The following LOC400499 variants were observed in gnomAD, a reference collection of about 807,000 sequenced individuals.
the LOC400499 span, among the ~76,000 whole-genome samples, chr16:11,470,364 G>C: frequency 1.7e-4 from 26 of 152,332 alleles, 1 homozygote; most frequent in Admixed American, 1.7e-3. Context: ...CACTCTGCGA[G>C]TACCTCGTGC....
At chr16:11,484,046 C>T in the LOC400499 span, among the ~76,000 whole-genome samples, 4 of 130,410 alleles carry the variant, frequency 3.1e-5, no homozygotes, top group African/African-American at 5.6e-5. Flanking sequence ...CTCGCTCTGT[C>T]GCCCAGGCTG....
chr16:11,500,224 A>G, the LOC400499 span, among the ~76,000 whole-genome samples: 9 of 152,084 alleles, frequency 5.9e-5, no homozygotes, highest in Non-Finnish European at 8.8e-5. Flanking sequence ...AGACCAGAAA[A>G]CAGTCGGGCG....
At chr16:11,461,160 C>G in the LOC400499 span, 1,133,275 of 1,501,682 alleles carry the variant, frequency 0.75, 433,998 homozygotes, top group Admixed American at 0.82. Context: ...GGTCAGCCCC[C>G]AGGGACCAGC....
the LOC400499 span, among the ~76,000 whole-genome samples, chr16:11,425,875 A>T: frequency 6.6e-6 from 1 of 152,116 alleles, no homozygotes; most frequent in Non-Finnish European, 1.5e-5. Flanking sequence ...CTCATACCAA[A>T]CCTGACGAAA....
At chr16:11,492,617 T>G in the LOC400499 span, among the ~76,000 whole-genome samples, 5 of 151,878 alleles carry the variant, frequency 3.3e-5, no homozygotes, top group African/African-American at 9.7e-5. Flanking sequence ...ACCCCATCTC[T>G]ACTAAAATTA....
At chr16:11,415,448 G>T in the LOC400499 span, among the ~76,000 whole-genome samples, 1 of 152,176 alleles carries the variant, frequency 6.6e-6, no homozygotes, top group African/African-American at 2.4e-5. Flanking sequence ...TCTATGAGGT[G>T]GGCACAGCCC....
chr16:11,395,961 T>C, the LOC400499 span, among the ~76,000 whole-genome samples: 1 of 151,822 alleles, frequency 6.6e-6, no homozygotes, highest in Non-Finnish European at 1.5e-5. Context: ...CAGGGCAGAG[T>C]AGGTATTGGA....
chr16:11,447,938 G>A, the LOC400499 span: 128 of 1,535,362 alleles, frequency 8.3e-5, 2 homozygotes, highest in South Asian at 1.5e-3. Context: ...ACATACCTAA[G>A]GAGCAAGGCC....
the LOC400499 span, among the ~76,000 whole-genome samples, chr16:11,467,560 C>T: frequency 6.6e-6 from 1 of 151,988 alleles, no homozygotes; most frequent in Admixed American, 6.6e-5. Context: ...TGCAGTGAGC[C>T]ATGTTTGCAC....
At chr16:11,491,002 T>C in the LOC400499 span, among the ~76,000 whole-genome samples, 1 of 152,226 alleles carries the variant, frequency 6.6e-6, no homozygotes, top group Non-Finnish European at 1.5e-5. Context: ...CAGTCACACA[T>C]ATGGCACTTA....
the LOC400499 span, among the ~76,000 whole-genome samples, chr16:11,387,487 G>C: frequency 6.6e-6 from 1 of 152,156 alleles, no homozygotes; most frequent in South Asian, 2.1e-4. Flanking sequence ...GCATGACAAC[G>C]GAGGTGGTAG....
the LOC400499 span, chr16:11,456,981 C>T: frequency 6.5e-7 from 1 of 1,536,104 alleles, no homozygotes; most frequent in Non-Finnish European, 8.7e-7. Context: ...CAGGCGGAGG[C>T]TCAAGTGGTA....
At chr16:11,494,165 G>C in the LOC400499 span, among the ~76,000 whole-genome samples, 1 of 121,912 alleles carries the variant, frequency 8.2e-6, no homozygotes, top group South Asian at 2.9e-4. Context: ...GGCGGGGGCA[G>C]TGGCATGGGA....
At chr16:11,497,518 G>C in the LOC400499 span, among the ~76,000 whole-genome samples, 758 of 152,348 alleles carry the variant, frequency 5.0e-3, 3 homozygotes, top group African/African-American at 0.017. Context: ...CGGGGGCACA[G>C]ACAGGGCAGG....
the LOC400499 span, among the ~76,000 whole-genome samples, chr16:11,517,481 A>C: frequency 1.3e-5 from 2 of 152,126 alleles, no homozygotes; most frequent in East Asian, 3.8e-4. Context: ...CTCCACCCAC[A>C]TTCTGGATGA....
At chr16:11,441,249 G>A in the LOC400499 span, among the ~76,000 whole-genome samples, 8 of 152,342 alleles carry the variant, frequency 5.3e-5, 1 homozygote, top group Middle Eastern at 0.014. Context: ...GGGTACACAG[G>A]AATGGTAAAC....
the LOC400499 span, among the ~76,000 whole-genome samples, chr16:11,504,877 C>T: frequency 5.3e-4 from 80 of 152,142 alleles, no homozygotes; most frequent in African/African-American, 1.8e-3. Flanking sequence ...GAGCCAAGAT[C>T]GCACAACTGC....
chr16:11,482,495 A>G, the LOC400499 span, among the ~76,000 whole-genome samples: 1 of 152,214 alleles, frequency 6.6e-6, no homozygotes, highest in African/African-American at 2.4e-5. Flanking sequence ...TGACTTCATG[A>G]AAATTAAGAC....
At chr16:11,393,569 G>A in the LOC400499 span, 1 of 1,232,356 alleles carries the variant, frequency 8.1e-7, no homozygotes, top group Non-Finnish European at 1.0e-6. Flanking sequence ...GCTGGGAGGG[G>A]GAAGGCAGAG....
Sources: gnomAD v4.1 joint callset for allele counts (sites outside exome capture counted in the v4.1 genomes callset) on GRCh38, gnomAD v4.1.1 for gene constraint, MANE v1.5 for transcripts.